Variants in TBC1D8 observed in about 807,000 individuals in gnomAD.
TBC1D8 encodes BUB2-like protein 1.
Under a neutral mutation model 118.8 loss-of-function variants are expected in TBC1D8, and 65 were observed. The observed-to-expected ratio is 0.55, with a 90% CI of 0.45 to 0.67. TBC1D8 has a LOEUF of 0.67. Among genes scored for constraint, TBC1D8 ranks in the 30% least tolerant of loss-of-function variants. The probability of loss-of-function intolerance (pLI) is 0.00; values close to 1 mark genes in which losing one functional copy is unlikely to be tolerated. For missense variants in TBC1D8, 1,376 were observed against 1,471.2 expected, an observed-to-expected ratio of 0.94 and a Z score of 1.06; for synonymous variants, 566 against 595.8, an observed-to-expected ratio of 0.95 and a Z score of 0.73.
chr2:101,038,880 G>A (rs1413617676), intron 6 of TBC1D8, among the ~76,000 whole-genome samples: 1 of 138,686 alleles, frequency 7.2e-6, no homozygotes, highest in East Asian at 2.3e-4. Context: ...CCATACATCG[G>A]CGTATGACCC....
At chr2:101,131,190 ACTGAGCC>A (rs1459833547) in intron 1 of TBC1D8, among the ~76,000 whole-genome samples, 4 of 152,204 alleles carry the variant, frequency 2.6e-5, no homozygotes, top group Non-Finnish European at 2.9e-5. Context: ...GGCACAAGTC[ACTGAGCC>A]CGGCTCCCTT....
At chr2:101,134,174 C>T (rs1678726556) in intron 1 of TBC1D8, among the ~76,000 whole-genome samples, 1 of 81,356 alleles carries the variant, frequency 1.2e-5, no homozygotes, top group Non-Finnish European at 2.6e-5. Flanking sequence ...TTCTCTTTCT[C>T]TCTCTCTCTC....
intron 3 of TBC1D8, among the ~76,000 whole-genome samples, chr2:101,058,152 G>A (rs1682546032): frequency 6.6e-6 from 1 of 152,152 alleles, no homozygotes; most frequent in Non-Finnish European, 1.5e-5. Flanking sequence ...GCCAGGATGA[G>A]GGCTGACCCG....
Position 101,064,960 on chromosome 2 carries a change from C to G in TBC1D8, c.284-5421G>C, listed in dbSNP as rs532361219. Reference sequence around the variant, plus strand: ...CGAAAGCCAATTCATCTGACTCGGGCCTGGCTCTGCCCATGACATCGTCAT... The same window carrying G: ...CGAAAGCCAATTCATCTGACTCGGGGCTGGCTCTGCCCATGACATCGTCAT... On this transcript the variant is annotated intron_variant, in intron 2 of 19. Coordinates refer to ENST00000409318, the MANE Select transcript of TBC1D8 (RefSeq NM_001330348.2). 1.7e-3 allele frequency among the ~76,000 whole-genome samples: 254 copies of G among 152,322 alleles called. 1 individual carries two copies. Among genetic ancestry groups the G allele is most frequent in the Middle Eastern group, 3.4e-3 (1 of 294 alleles).
intron 1 of TBC1D8, among the ~76,000 whole-genome samples, chr2:101,112,627 A>G (rs1357610196): frequency 6.6e-6 from 1 of 152,188 alleles, no homozygotes; most frequent in African/African-American, 2.4e-5. Context: ...CTGGACGTTG[A>G]GGTGCCATTC....
intron 2 of TBC1D8, among the ~76,000 whole-genome samples, chr2:101,071,680 T>C (rs2309937): frequency 0.092 from 14,016 of 152,214 alleles, 1,859 homozygotes; most frequent in African/African-American, 0.29. Flanking sequence ...TAATTTTAAA[T>C]AATTTACTAT....
At chr2:101,095,409 C>G (rs1223969482) in intron 1 of TBC1D8, among the ~76,000 whole-genome samples, 1 of 141,022 alleles carries the variant, frequency 7.1e-6, no homozygotes, top group Non-Finnish European at 1.5e-5. Flanking sequence ...CCCCTCCCCC[C>G]ACCCCACAAC....
At chr2:101,145,220 T>C (rs147967442) in intron 1 of TBC1D8, among the ~76,000 whole-genome samples, 1 of 152,338 alleles carries the variant, frequency 6.6e-6, no homozygotes, top group African/African-American at 2.4e-5. Context: ...ATTGCCCTTA[T>C]TATGCTCTCA....
At chr2:101,090,396 T>C in intron 1 of TBC1D8, 32 bp from the exon 2 acceptor site, 1 of 1,612,332 alleles carries the variant, frequency 6.2e-7, no homozygotes, top group Non-Finnish European at 8.5e-7. Context: ...AGTGCACCTG[T>C]GAGCATGGGG....
chr2:101,094,898 G>A (rs970628820), intron 1 of TBC1D8, among the ~76,000 whole-genome samples: 3 of 152,204 alleles, frequency 2.0e-5, no homozygotes, highest in South Asian at 2.1e-4. Context: ...CCACAACCTC[G>A]AAATGTAGAG....
At chr2:101,072,682 T>G (rs1674530326) in intron 2 of TBC1D8, among the ~76,000 whole-genome samples, 1 of 152,074 alleles carries the variant, frequency 6.6e-6, no homozygotes. Context: ...GGGGTCACAC[T>G]CCTATGAGAG....
chr2:101,007,617 A>C lies in TBC1D8; in HGVS notation c.*204T>G, dbSNP rs528902382. 1.5e-4 allele frequency: 87 copies of C among 578,042 alleles called. No individual in the cohort carries two copies. The East Asian group carries it at 2.3e-3, about 15-fold the overall frequency. 35.8% of individuals were successfully genotyped at this position (578,042 alleles called of 1,614,324 possible). On this transcript the variant is annotated 3_prime_UTR_variant, in exon 20 of 20. Coordinates refer to ENST00000409318, the MANE Select transcript of TBC1D8 (RefSeq NM_001330348.2). ...AAGTTGGCATCAAGGGAACCAATGG[A>C]TACCTTAGGGCACTGACAATTCTCA...
intron 1 of TBC1D8, among the ~76,000 whole-genome samples, chr2:101,105,584 T>C (rs1441379402): frequency 7.6e-6 from 1 of 131,784 alleles, no homozygotes; most frequent in African/African-American, 2.9e-5. Context: ...CCAGACTCTG[T>C]CTCAAATTAA....
At chr2:101,022,906 A>AC (rs1680126212) in intron 15 of TBC1D8, among the ~76,000 whole-genome samples, 2 of 151,866 alleles carry the variant, frequency 1.3e-5, no homozygotes, top group Admixed American at 1.3e-4. Flanking sequence ...ACTTTGGGAG[A>AC]CCGAGGTGGG....
chr2:101,085,054 T>C (rs965140970), intron 2 of TBC1D8, among the ~76,000 whole-genome samples: 8 of 151,880 alleles, frequency 5.3e-5, no homozygotes, highest in Non-Finnish European at 8.8e-5. Context: ...GGTTTCACCG[T>C]GTTAGCCAGG....
At chr2:101,085,863 C>T (rs185839240) in intron 2 of TBC1D8, among the ~76,000 whole-genome samples, 7 of 152,254 alleles carry the variant, frequency 4.6e-5, no homozygotes, top group African/African-American at 1.7e-4. Context: ...GACAACAGGC[C>T]GGGCGCGGCG....
chr2:101,027,409 G>A lies in TBC1D8; in HGVS notation c.2494C>T (p.Leu832=), dbSNP rs1304467461. 2.5e-6 allele frequency: 4 copies of A among 1,613,172 alleles called. No homozygotes were observed. In the African/African-American group the frequency reaches 4.0e-5, roughly 16 times the overall value. The change falls in exon 15 of 20, where the codon CTA becomes TTA. Residue 832 remains leucine (L), a synonymous_variant. Coordinates refer to ENST00000409318, the MANE Select transcript of TBC1D8 (RefSeq NM_001330348.2). ...IPEVSILPED[L]EELYDLFKRE... ...TTGAATAAGTCGTAGAGCTCCTCTA[G>A]GTCTTCAGGAAGAATTGAGACTTCC...
At chr2:101,035,640 T>C (rs1030665266) in intron 9 of TBC1D8, among the ~76,000 whole-genome samples, 1 of 152,222 alleles carries the variant, frequency 6.6e-6, no homozygotes, top group African/African-American at 2.4e-5. Flanking sequence ...GCCCAGCCAG[T>C]TGACAATGGA....
intron 2 of TBC1D8, among the ~76,000 whole-genome samples, chr2:101,076,788 T>C (rs970243829): frequency 2.6e-5 from 4 of 152,230 alleles, no homozygotes; most frequent in African/African-American, 9.6e-5. Context: ...TAGTCATTCC[T>C]GGGCTTGGGC....
Sources: gnomAD v4.1 joint callset for allele counts (sites outside exome capture counted in the v4.1 genomes callset) on GRCh38, gnomAD v4.1.1 for gene constraint, MANE v1.5 for transcripts, NCBI Gene and HGNC (gene_info 2026-07-23, HGNC 2026-07-21) for gene names.